Variants in MSH3 observed in about 807,000 individuals in gnomAD.
MSH3 encodes DNA mismatch repair protein Msh3.
Under a neutral mutation model 123.3 loss-of-function variants are expected in MSH3, and 106 were observed. That is an observed-to-expected ratio of 0.86 (90% CI 0.73 to 1.01). MSH3 has a LOEUF of 1.01. Ranked by LOEUF, MSH3 falls within the 50% of genes least tolerant of loss-of-function variation. The pLI, the probability that MSH3 is intolerant of heterozygous loss-of-function variation, is 0.00. For missense variants in MSH3, 1,459 were observed against 1,347.6 expected (o/e 1.08, Z -1.29); for synonymous variants, 515 against 481.4 (o/e 1.07, Z -0.91).
chr5:80,861,149 A>G (rs1278003262), intron 21 of MSH3, among the ~76,000 whole-genome samples: 4 of 152,176 alleles, frequency 2.6e-5, no homozygotes, highest in East Asian at 1.9e-4. Flanking sequence ...CATTCCTGCC[A>G]TAGCTATGTC....
At chr5:80,858,403 G>A (rs1745954002) in intron 21 of MSH3, among the ~76,000 whole-genome samples, 1 of 151,984 alleles carries the variant, frequency 6.6e-6, no homozygotes, top group Non-Finnish European at 1.5e-5. Context: ...TTTTGATAAG[G>A]TGTGCTTCCT....
chr5:80,773,152 A>G (rs1026190265), intron 15 of MSH3, among the ~76,000 whole-genome samples: 1 of 152,156 alleles, frequency 6.6e-6, no homozygotes, highest in Admixed American at 6.5e-5. Flanking sequence ...ATGCATCTGG[A>G]TGTGTCCTTC....
intron 12 of MSH3, among the ~76,000 whole-genome samples, chr5:80,754,908 T>A (rs968340031): frequency 6.6e-6 from 1 of 152,174 alleles, no homozygotes; most frequent in East Asian, 1.9e-4. Context: ...AACATTTAAT[T>A]TGTGTTAATG....
At chr5:80,802,294 A>G (rs551929431) in intron 19 of MSH3, among the ~76,000 whole-genome samples, 1 of 152,124 alleles carries the variant, frequency 6.6e-6, no homozygotes, top group South Asian at 2.1e-4. Flanking sequence ...ATAACTTTTA[A>G]TGGCTTCATG....
At position 80,784,212 on chromosome 5, in the gene MSH3, C is replaced by CAAAAAAAAAAAAAAAAAAAAAAAAAAAA. The variant is rs1192783960; in HGVS notation, c.2436-3326_2436-3325insAAAAAAAAAAAAAAAAAAAAAAAAAAAA. Among the ~76,000 whole-genome samples the CAAAAAAAAAAAAAAAAAAAAAAAAAAAA allele has an allele frequency of 1.3e-3, 15 of 11,988 alleles. 1 individual carries two copies. The highest frequency in any genetic ancestry group is 9.1e-3 in the East Asian group (5 of 552). The allele number at this position is 11,988 out of a possible 152,430, so 7.9% of individuals were successfully genotyped here. A position where few individuals can be genotyped will look rare whatever the true frequency, so the allele number is the denominator to read the frequency against. On this transcript the variant is annotated intron_variant, in intron 17 of 23. Transcript: ENST00000265081. ...GCGAAAGAGCGAGACTACTACGTCG[C>CAAAAAAAAAAAAAAAAAAAAAAAAAAAA]AAAAAAAAAAAAAAAAAAAAAAAAA...
At position 80,768,032 on chromosome 5, in the gene MSH3, G is replaced by A; in HGVS notation, c.1996G>A (p.Asp666Asn). The A allele has an allele frequency of 6.2e-7, 1 of 1,613,724 alleles. No individual in the cohort carries two copies. Among genetic ancestry groups the A allele is most frequent in the Middle Eastern group, 1.7e-4 (1 of 6,058 alleles). ...TGCTGTTAATTCCCACATTCAGTCA[G>A]ACTTGCTCCGGACCGTTATTTTAGA... ...IPAVNSHIQS[D>N]LLRTVILEIP... The change falls in exon 14 of 24, where the codon GAC (aspartate) becomes AAC (asparagine). Residue 666 changes from aspartate (D) to asparagine (N), a missense_variant. Transcript: ENST00000265081.
chr5:80,718,084 C>T (rs1447778177), intron 8 of MSH3, among the ~76,000 whole-genome samples: 1 of 152,086 alleles, frequency 6.6e-6, no homozygotes, highest in Non-Finnish European at 1.5e-5. Context: ...CTGAAACCAC[C>T]ATCTAGTCCA....
At chr5:80,797,115 G>T (rs143780234) in intron 19 of MSH3, among the ~76,000 whole-genome samples, 1 of 137,916 alleles carries the variant, frequency 7.3e-6, no homozygotes, top group East Asian at 2.3e-4. Flanking sequence ...GCTCTGGCTT[G>T]TTCAAGTCTT....
chr5:80,706,549 A>T (rs528498198), intron 8 of MSH3, among the ~76,000 whole-genome samples: 27 of 152,314 alleles, frequency 1.8e-4, no homozygotes, highest in African/African-American at 6.5e-4. Flanking sequence ...CAGGAAGCAT[A>T]AATTATTTTT....
chr5:80,858,204 C>T (rs1419489535), intron 21 of MSH3, among the ~76,000 whole-genome samples: 1 of 152,028 alleles, frequency 6.6e-6, no homozygotes, highest in Admixed American at 6.6e-5. Flanking sequence ...GCCACAACAC[C>T]CAGCTAATTT....
At chr5:80,784,783 C>T (rs1435511505) in intron 17 of MSH3, among the ~76,000 whole-genome samples, 2 of 152,070 alleles carry the variant, frequency 1.3e-5, no homozygotes, top group South Asian at 2.1e-4. Flanking sequence ...GATTCTAACA[C>T]TGTTGGTGGG....
intron 8 of MSH3, among the ~76,000 whole-genome samples, chr5:80,689,928 C>G (rs1750190302): frequency 6.6e-6 from 1 of 152,000 alleles, no homozygotes; most frequent in Admixed American, 6.6e-5. Flanking sequence ...GCTCTGCTGT[C>G]CAAGCTGGAT....
At chr5:80,667,382 T>G (rs1180329285) in intron 3 of MSH3, among the ~76,000 whole-genome samples, 1 of 152,158 alleles carries the variant, frequency 6.6e-6, no homozygotes, top group Non-Finnish European at 1.5e-5. Context: ...CATTCTTAGG[T>G]ATAGGAAAAT....
chr5:80,655,924 T>A (rs558623697), intron 1 of MSH3, among the ~76,000 whole-genome samples: 6 of 152,284 alleles, frequency 3.9e-5, no homozygotes, highest in Admixed American at 6.5e-5. Context: ...CAAGAAAAAA[T>A]TCATAATCTT....
chr5:80,769,220 A>G (rs1404496490), intron 15 of MSH3, among the ~76,000 whole-genome samples: 1 of 152,088 alleles, frequency 6.6e-6, no homozygotes, highest in Non-Finnish European at 1.5e-5. Context: ...TTAATGTTAT[A>G]TGTATATTAG....
At chr5:80,721,475 C>G (rs1751075971) in intron 8 of MSH3, among the ~76,000 whole-genome samples, 1 of 152,192 alleles carries the variant, frequency 6.6e-6, no homozygotes, top group Admixed American at 6.5e-5. Context: ...TCAAAATGTC[C>G]TACTGTGCTT....
At chr5:80,811,612 T>C (rs1188955411) in intron 19 of MSH3, among the ~76,000 whole-genome samples, 1 of 152,166 alleles carries the variant, frequency 6.6e-6, no homozygotes, top group Non-Finnish European at 1.5e-5. Context: ...ATTTTTGTAA[T>C]ATTCGTGCTA....
At chr5:80,780,143 T>C (rs899815534) in intron 17 of MSH3, among the ~76,000 whole-genome samples, 7 of 152,236 alleles carry the variant, frequency 4.6e-5, no homozygotes, top group Admixed American at 4.6e-4. Context: ...TTTTAAGTCA[T>C]GGCATGCTGG....
At chr5:80,676,626 A>T (rs539958553) in intron 7 of MSH3, among the ~76,000 whole-genome samples, 2 of 152,252 alleles carry the variant, frequency 1.3e-5, no homozygotes, top group East Asian at 3.9e-4. Context: ...TTAACTTGAC[A>T]TTTGCTTAAC....
Sources: gnomAD v4.1 joint callset for allele counts (sites outside exome capture counted in the v4.1 genomes callset) on GRCh38, gnomAD v4.1.1 for gene constraint, MANE v1.5 for transcripts, NCBI Gene and HGNC (gene_info 2026-07-23, HGNC 2026-07-21) for gene names.